BFSP1: variants seen among roughly 807,000 people sequenced by gnomAD.
BFSP1 encodes the protein filensin.
Under a neutral mutation model 43.9 loss-of-function variants are expected in BFSP1, and 38 were observed. The ratio of observed to expected loss-of-function variants is 0.87; its 90% CI spans 0.67 to 1.14. The LOEUF (loss-of-function observed/expected upper bound fraction) is 1.14, where lower values mean the gene tolerates loss of function less well. Ranked by LOEUF, BFSP1 falls within the 50% of genes most tolerant of loss-of-function variation. The pLI, the probability that BFSP1 is intolerant of heterozygous loss-of-function variation, is 0.00. For missense variants in BFSP1, 850 were observed against 875.1 expected (o/e 0.97, Z 0.36); for synonymous variants, 352 against 354.8 (o/e 0.99, Z 0.09).
intron 1 of BFSP1, 63 bp from the exon 2 acceptor site, chr20:17,524,971 A>G (rs2034390399): frequency 1.4e-6 from 2 of 1,411,670 alleles, no homozygotes; most frequent in African/African-American, 1.4e-5. Flanking sequence ...TATGGATCAC[A>G]TAATCAGCAT....
At chr20:17,566,610 C>A (rs1431344752) in intron 1 of BFSP1, among the ~76,000 whole-genome samples, 1 of 152,098 alleles carries the variant, frequency 6.6e-6, no homozygotes. Flanking sequence ...ATAGATGAAC[C>A]TTTTTGCTGT....
chr20:17,557,600 TG>T lies in BFSP1; in HGVS notation c.2+1087del, dbSNP rs150277260. Among the ~76,000 whole-genome samples the T allele has an allele frequency of 2.0e-5, 3 of 152,342 alleles. No homozygotes were observed. The East Asian group carries it at 5.8e-4, about 29-fold the overall frequency. ...ACTTACTGAATCACCTTTTCAGATT[TG>T]GTGCCTTCTTCCAGGTCTCTTGCCT... On this transcript the variant is annotated intron_variant, in intron 1 of 7. Transcript: ENST00000377868.
intron 1 of BFSP1, 108 bp downstream of exon 1, chr20:17,530,845 G>A: frequency 2.5e-6 from 3 of 1,215,946 alleles, no homozygotes; most frequent in Non-Finnish European, 3.1e-6. Context: ...GATCGACAGG[G>A]GACCAGAGAC....
At chr20:17,557,352 C>A (rs1480602459) in intron 1 of BFSP1, among the ~76,000 whole-genome samples, 1 of 152,212 alleles carries the variant, frequency 6.6e-6, no homozygotes, top group Non-Finnish European at 1.5e-5. Flanking sequence ...CATTGCATAT[C>A]CCTTCCCACC....
At chr20:17,559,236 AAAC>A (rs371437198), upstream of BFSP1, among the ~76,000 whole-genome samples, 125 of 152,104 alleles carry the variant, frequency 8.2e-4, 1 homozygote, top group South Asian at 0.021. Flanking sequence ...TGCCATTAAA[AAAC>A]AACAACAACA....
chr20:17,567,257 G>A (rs1010301811), intron 1 of BFSP1, among the ~76,000 whole-genome samples: 1 of 152,154 alleles, frequency 6.6e-6, no homozygotes. Context: ...TTGATAAATT[G>A]TAAAACATCT....
At chr20:17,564,501 G>A (rs562245531) in intron 1 of BFSP1, among the ~76,000 whole-genome samples, 3 of 152,184 alleles carry the variant, frequency 2.0e-5, no homozygotes, top group African/African-American at 4.8e-5. Flanking sequence ...AAAGCCTTAA[G>A]CCCTTATTTT....
intron 3 of BFSP1, among the ~76,000 whole-genome samples, chr20:17,513,958 T>C (rs1174972502): frequency 6.6e-6 from 1 of 152,188 alleles, no homozygotes; most frequent in East Asian, 1.9e-4. Flanking sequence ...TCAGTTCTGG[T>C]TGAGGCTGCT....
intron 5 of BFSP1, among the ~76,000 whole-genome samples, chr20:17,505,648 G>A (rs1399407168): frequency 6.6e-6 from 1 of 152,232 alleles, no homozygotes; most frequent in Non-Finnish European, 1.5e-5. Flanking sequence ...CAAAAACCCA[G>A]CCACAAACAT....
intron 2 of BFSP1, among the ~76,000 whole-genome samples, chr20:17,519,863 A>G (rs990934707): frequency 3.3e-5 from 5 of 152,234 alleles, no homozygotes; most frequent in Non-Finnish European, 5.9e-5. Flanking sequence ...ACGCTGAGGA[A>G]AATTTGTTTT....
rs147317806 is a variant in BFSP1 at position 17,545,644 on chromosome 20, T to A, written c.2+13044A>T. On this transcript the variant is annotated intron_variant, in intron 1 of 7. Transcript: ENST00000377868. ...TCACAACCCATGGTCCTAAGGTGTT[T>A]ACAACCTAGGAGGCAGCTTGGTAAT... 4.9e-4 allele frequency among the ~76,000 whole-genome samples: 75 copies of A among 152,356 alleles called. 1 individual carries two copies. In the East Asian group the frequency reaches 0.014, roughly 29 times the overall value.
chr20:17,495,722 A>G (rs1487872926), intron 7 of BFSP1, among the ~76,000 whole-genome samples: 2 of 152,164 alleles, frequency 1.3e-5, no homozygotes, highest in Non-Finnish European at 2.9e-5. Context: ...GAAAAACTAA[A>G]AGTTGAAGAA....
intron 1 of BFSP1, among the ~76,000 whole-genome samples, chr20:17,550,719 C>T (rs1449797758): frequency 6.6e-6 from 1 of 152,122 alleles, no homozygotes; most frequent in Non-Finnish European, 1.5e-5. Flanking sequence ...GTGATCCACC[C>T]GCCTCGGCCT....
intron 1 of BFSP1, among the ~76,000 whole-genome samples, chr20:17,566,568 T>G (rs1364995584): frequency 6.6e-6 from 1 of 152,192 alleles, no homozygotes; most frequent in Non-Finnish European, 1.5e-5. Flanking sequence ...ACCAGCAGAT[T>G]CAGTGTCTGG....
intron 5 of BFSP1, among the ~76,000 whole-genome samples, chr20:17,501,780 C>G (rs1269099274): frequency 6.6e-6 from 1 of 152,212 alleles, no homozygotes; most frequent in Non-Finnish European, 1.5e-5. Context: ...GATGACCCCA[C>G]TCTCCTGTGC....
intron 2 of BFSP1, among the ~76,000 whole-genome samples, chr20:17,520,958 T>C (rs1306098228): frequency 6.6e-6 from 1 of 152,246 alleles, no homozygotes; most frequent in Non-Finnish European, 1.5e-5. Flanking sequence ...AAATTGTTTT[T>C]AAGTGAAAGC....
chr20:17,528,488 G>T (rs1479868611), intron 1 of BFSP1, among the ~76,000 whole-genome samples: 2 of 152,210 alleles, frequency 1.3e-5, no homozygotes, highest in African/African-American at 4.8e-5. Flanking sequence ...CTGAGCCACA[G>T]GGCACTTTCC....
intron 4 of BFSP1, 62 bp from the exon 5 acceptor site, chr20:17,509,058 G>A: frequency 1.6e-6 from 2 of 1,278,842 alleles, no homozygotes; most frequent in Middle Eastern, 1.9e-4. Flanking sequence ...GGCAGAGAAG[G>A]TGCGGGGCCC....
upstream of BFSP1, among the ~76,000 whole-genome samples, chr20:17,562,422 G>A (rs2035075259): frequency 6.6e-6 from 1 of 151,248 alleles, no homozygotes; most frequent in Non-Finnish European, 1.5e-5. Flanking sequence ...AGCTACTCGG[G>A]AGGCTGAGGC....
Sources: allele counts gnomAD v4.1 joint callset (sites outside exome capture counted in the v4.1 genomes callset), GRCh38; gene constraint gnomAD v4.1.1; transcripts MANE v1.5; gene names NCBI Gene and HGNC (gene_info 2026-07-23, HGNC 2026-07-21).